Variants in ATP2C1 observed in about 807,000 individuals in gnomAD.
The protein encoded by ATP2C1 is ATPase secretory pathway Ca2+ transporting 1, also known as calcium-transporting ATPase type 2C member 1.
ATP2C1 carries 31 observed loss-of-function variants against 120.5 expected under a neutral mutation model. The observed-to-expected ratio is 0.26, with a 90% CI of 0.19 to 0.35. The LOEUF is 0.35. Ranked by LOEUF, ATP2C1 falls within the 10% of genes least tolerant of loss-of-function variation. ATP2C1 has a pLI of 1.00. For synonymous variants in ATP2C1, 351 were observed against 358.7 expected, an observed-to-expected ratio of 0.98 and a Z score of 0.24; for missense variants, 731 against 1,107.5, an observed-to-expected ratio of 0.66 and a Z score of 4.83.
chr3:130,985,807 G>T (rs2061982290), intron 20 of ATP2C1, among the ~76,000 whole-genome samples: 1 of 152,142 alleles, frequency 6.6e-6, no homozygotes, highest in African/African-American at 2.4e-5. Context: ...ACTATATTTT[G>T]AAGTCTTGCA....
At chr3:130,939,531 A>G (rs1255907867) in intron 6 of ATP2C1, among the ~76,000 whole-genome samples, 1 of 152,226 alleles carries the variant, frequency 6.6e-6, no homozygotes, top group Non-Finnish European at 1.5e-5. Context: ...TGTAGGGAGT[A>G]GAGGCTAAGA....
chr3:130,905,454 G>A (rs2058079709), intron 2 of ATP2C1, among the ~76,000 whole-genome samples: 2 of 151,924 alleles, frequency 1.3e-5, no homozygotes, highest in Non-Finnish European at 1.5e-5. Flanking sequence ...TGTTTCATCC[G>A]AGTACACACA....
chr3:130,882,394 T>A (rs1463793466), intron 1 of ATP2C1, among the ~76,000 whole-genome samples: 1 of 152,034 alleles, frequency 6.6e-6, no homozygotes, highest in Non-Finnish European at 1.5e-5. Flanking sequence ...AGAGATGAGG[T>A]TTCACCATGT....
intron 20 of ATP2C1, among the ~76,000 whole-genome samples, chr3:130,981,027 A>G (rs1259847383): frequency 6.6e-6 from 1 of 152,204 alleles, no homozygotes; most frequent in African/African-American, 2.4e-5. Flanking sequence ...TTTTAATTTT[A>G]GCATGAGTAT....
intron 26 of ATP2C1, chr3:131,014,038 G>C (rs1389783854): frequency 6.6e-7 from 1 of 1,507,774 alleles, no homozygotes; most frequent in African/African-American, 1.4e-5. Flanking sequence ...AATACATCTA[G>C]TTTGATGCAA....
At chr3:130,903,699 CCCCTTTCCTT>C (rs1308764178) in intron 2 of ATP2C1, among the ~76,000 whole-genome samples, 10 of 84,580 alleles carry the variant, frequency 1.2e-4, no homozygotes, top group Non-Finnish European at 2.2e-4. Flanking sequence ...TTTCCCCTTT[CCCCTTTCCTT>C]TCCTTTCCTT....
rs1056040461 is a variant in ATP2C1, at chr3:130,998,500, A to G, written c.2487+111A>G. 29 of 819,732 alleles carry G rather than the reference A, an allele frequency of 3.5e-5. 1 individual carries two copies. The allele number at this position is 819,732 out of a possible 1,614,324, so 50.8% of individuals were successfully genotyped here. A position where few individuals can be genotyped will look rare whatever the true frequency, so the allele number is the denominator to read the frequency against. On this transcript the variant is annotated intron_variant, in intron 26 of 27. Coordinates refer to ENST00000510168, the MANE Select transcript of ATP2C1 (RefSeq NM_001378687.1). The stretch of plus-strand genomic sequence containing the variant: ...TTTAGCTTTGCTTAATTTTGTAGCC[A>G]CAGATTGCAGCCCCAGACACAGCCT...
intron 2 of ATP2C1, among the ~76,000 whole-genome samples, chr3:130,924,853 G>C (rs1236262188): frequency 6.6e-6 from 1 of 151,782 alleles, no homozygotes; most frequent in Non-Finnish European, 1.5e-5. Context: ...CTGCTTGTTC[G>C]ATTCTATTGC....
chr3:130,873,802 G>A (rs1463459013), intron 1 of ATP2C1, among the ~76,000 whole-genome samples: 2 of 152,120 alleles, frequency 1.3e-5, no homozygotes, highest in South Asian at 2.1e-4. Context: ...CTGTCACTAA[G>A]TAATCATTAG....
At chr3:130,973,030 A>G (rs940101927) in intron 17 of ATP2C1, among the ~76,000 whole-genome samples, 2 of 151,962 alleles carry the variant, frequency 1.3e-5, no homozygotes, top group African/African-American at 4.8e-5. Context: ...AATGTATCAA[A>G]GTAGAACAGA....
At chr3:130,980,494 A>G in intron 19 of ATP2C1, 88 bp from the exon 20 acceptor site, 1 of 904,508 alleles carries the variant, frequency 1.1e-6, no homozygotes, top group East Asian at 2.5e-5. Flanking sequence ...AGAACAGATA[A>G]CAAATCATAC....
intron 10 of ATP2C1, chr3:130,955,831 T>G (rs2060556537): frequency 8.8e-6 from 3 of 342,028 alleles, no homozygotes; most frequent in South Asian, 8.5e-5. Flanking sequence ...GGAGAACAGA[T>G]TTTTCCTCAA....
At chr3:130,964,375 A>G (rs1444929052) in intron 13 of ATP2C1, among the ~76,000 whole-genome samples, 2 of 152,056 alleles carry the variant, frequency 1.3e-5, no homozygotes, top group East Asian at 3.8e-4. Context: ...AAATTAATAG[A>G]ATTTTTTTCT....
chr3:130,889,638 CTTTTTTTTT>C (rs1170424148), upstream of ATP2C1, among the ~76,000 whole-genome samples: 8 of 77,660 alleles, frequency 1.0e-4, no homozygotes, highest in East Asian at 4.0e-4. Context: ...ATTCTTTAAA[CTTTTTTTTT>C]TTTTTTTTTT....
chr3:130,862,549 G>GT (rs1465488873), intron 1 of ATP2C1, among the ~76,000 whole-genome samples: 1 of 152,024 alleles, frequency 6.6e-6, no homozygotes, highest in African/African-American at 2.4e-5. Flanking sequence ...ATAGTTAATT[G>GT]TTTTTCATTA....
intron 1 of ATP2C1, among the ~76,000 whole-genome samples, chr3:130,856,786 G>T (rs1056140071): frequency 5.3e-5 from 8 of 152,096 alleles, no homozygotes; most frequent in African/African-American, 1.9e-4. Context: ...TGCTTGAGTA[G>T]AAAAAATTTC....
At chr3:130,877,843 G>T (rs1398769118) in intron 1 of ATP2C1, among the ~76,000 whole-genome samples, 1 of 152,158 alleles carries the variant, frequency 6.6e-6, no homozygotes, top group African/African-American at 2.4e-5. Context: ...GCACGTGTAT[G>T]TTTATTGCGG....
intron 24 of ATP2C1, 64 bp from the exon 25 acceptor site, chr3:130,997,542 T>G (rs1458308362): frequency 6.7e-7 from 1 of 1,483,994 alleles, no homozygotes; most frequent in Non-Finnish European, 9.4e-7. Context: ...TTAGTGAGGT[T>G]GTGAAAGTAA....
chr3:130,883,946 T>TTC (rs148076677), intron 1 of ATP2C1, among the ~76,000 whole-genome samples: 704 of 26,212 alleles, frequency 0.027, 5 homozygotes, highest in African/African-American at 0.046. Context: ...TCTTTTCTTC[T>TTC]TTTTTTTTTT....
Sources: allele counts gnomAD v4.1 joint callset (sites outside exome capture counted in the v4.1 genomes callset), GRCh38; gene constraint gnomAD v4.1.1; transcripts MANE v1.5; gene names NCBI Gene and HGNC (gene_info 2026-07-23, HGNC 2026-07-21).